ADCY1: variants seen among roughly 807,000 people sequenced by gnomAD.
The protein encoded by ADCY1 is adenylate cyclase type 1.
ADCY1 carries 28 observed loss-of-function variants against 105.4 expected under a neutral mutation model. The observed-to-expected ratio is 0.27, with a 90% CI of 0.20 to 0.36. The LOEUF (loss-of-function observed/expected upper bound fraction) is 0.36, where lower values mean the gene tolerates loss of function less well. Ranked by LOEUF, ADCY1 falls within the 10% of genes least tolerant of loss-of-function variation. ADCY1 has a pLI of 1.00. For synonymous variants in ADCY1, 655 were observed against 623.8 expected, an observed-to-expected ratio of 1.05 and a Z score of -0.75; for missense variants, 977 against 1,434.2, an observed-to-expected ratio of 0.68 and a Z score of 5.15.
chr7:45,611,345 T>C (rs1793587536), intron 3 of ADCY1, among the ~76,000 whole-genome samples: 1 of 151,960 alleles, frequency 6.6e-6, no homozygotes, highest in Non-Finnish European at 1.5e-5. Flanking sequence ...CAGTTATCTT[T>C]CCAATTTCTT....
In ADCY1 at chr7:45,677,975, G is replaced by A; in HGVS notation, c.1712G>A (p.Arg571His). ...ACTCGCGTCAACAGGTACATCAGCCGCCTCTTAGAAGCCCGCCAGACAGAG... is the reference window on the plus strand; with the variant it reads ...ACTCGCGTCAACAGGTACATCAGCCACCTCTTAGAAGCCCGCCAGACAGAG... ...PGTRVNRYIS[R>H]LLEARQTELE... Residue 571 changes from arginine to histidine, a missense_variant, in exon 9 of 20, where the codon CGC becomes CAC. Physicochemically the swap from Arg to His is conservative, Grantham distance 29. Coordinates refer to ENST00000297323, the MANE Select transcript of ADCY1 (RefSeq NM_021116.4). 6.2e-7 allele frequency: 1 copy of A among 1,614,156 alleles called. No homozygotes were observed. Among genetic ancestry groups the A allele is most frequent in the Non-Finnish European group, 8.5e-7 (1 of 1,180,026 alleles).
intron 4 of ADCY1, among the ~76,000 whole-genome samples, chr7:45,642,609 G>A (rs1794555136): frequency 6.6e-6 from 1 of 152,076 alleles, no homozygotes. Context: ...TGTTGTTGTT[G>A]TTGTTGTTTT....
chr7:45,636,161 GA>G (rs1794395072), intron 4 of ADCY1, among the ~76,000 whole-genome samples: 1 of 152,124 alleles, frequency 6.6e-6, no homozygotes, highest in South Asian at 2.1e-4. Context: ...ACTATTGTCA[GA>G]AAGAATAGTT....
intron 17 of ADCY1, 21 bp downstream of exon 17, chr7:45,704,637 C>T: frequency 6.2e-7 from 1 of 1,604,392 alleles, no homozygotes; most frequent in Non-Finnish European, 8.5e-7. Flanking sequence ...CCTGGCGCTG[C>T]CTGCTTGGGG....
intron 5 of ADCY1, among the ~76,000 whole-genome samples, chr7:45,656,167 G>A (rs1262809605): frequency 6.6e-6 from 1 of 151,990 alleles, no homozygotes; most frequent in Non-Finnish European, 1.5e-5. Context: ...GCTGGGCATG[G>A]TGGTGGGCGC....
intron 7 of ADCY1, among the ~76,000 whole-genome samples, chr7:45,661,592 C>G (rs1159483377): frequency 6.6e-6 from 1 of 152,082 alleles, no homozygotes; most frequent in Non-Finnish European, 1.5e-5. Context: ...GAATTTCACC[C>G]AGAACATGAG....
At position 45,686,756 on chromosome 7, in the gene ADCY1, C is replaced by A; in HGVS notation, c.2454+83C>A. The A allele has an allele frequency of 6.6e-7, 1 of 1,509,372 alleles. No homozygotes were observed. The highest frequency in any genetic ancestry group is 1.3e-5 in the South Asian group (1 of 76,928). The allele number at this position is 1,509,372 out of a possible 1,614,324, so 93.5% of individuals were successfully genotyped here. A position where few individuals can be genotyped will look rare whatever the true frequency, so the allele number is the denominator to read the frequency against. On this transcript the variant is annotated intron_variant, in intron 14 of 19. Coordinates refer to ENST00000297323, the MANE Select transcript of ADCY1 (RefSeq NM_021116.4). This position sits in a 1 kb window ranked among gnomAD's most constrained non-coding sequence, Gnocchi z 4.3. ...TCAGCAAGCATCTGACGGGGGCTGC[C>A]ACAGACACCCACACGCCGTATGGCC...
Position 45,574,714 on chromosome 7 carries a change from G to A in ADCY1, c.171G>A (p.Glu57=). 1 of 1,410,186 alleles carries A rather than the reference G, an allele frequency of 7.1e-7. No individual in the cohort carries two copies. The highest frequency in any genetic ancestry group is 9.2e-7 in the Non-Finnish European group (1 of 1,088,756). 87.4% of individuals were successfully genotyped at this position (1,410,186 alleles called of 1,614,324 possible). A position where few individuals can be genotyped will look rare whatever the true frequency, so the allele number is the denominator to read the frequency against. The part of the protein sequence containing the change: ...ALFRGYTLRL[E]QAATLKALAV... ...TCCGCGGCTACACGCTGCGGCTGGA[G>A]CAGGCGGCCACGCTGAAGGCGCTGG... Residue 57 remains glutamate, a synonymous_variant, in exon 1 of 20, where the codon GAG becomes GAA. Transcript: ENST00000297323. This position sits in a 1 kb window ranked among gnomAD's most constrained non-coding sequence, Gnocchi z 7.0.
At position 45,678,183 on chromosome 7, in the gene ADCY1, C is replaced by T. The variant is rs376979876; in HGVS notation, c.1818C>T (p.Asp606=). The change falls in exon 10 of 20, where the codon GAC becomes GAT. Residue 606 remains aspartate, a synonymous_variant. Coordinates refer to ENST00000297323, the MANE Select transcript of ADCY1 (RefSeq NM_021116.4). ...EREQKYHQLQ[D]EYFTSAVVLT... ...TTACACAGTACCACCAGCTTCAGGACGAGTATTTCACCAGCGCCGTTGTCC... is the reference window on the plus strand; with the variant it reads ...TTACACAGTACCACCAGCTTCAGGATGAGTATTTCACCAGCGCCGTTGTCC... The T allele has an allele frequency of 2.4e-5, 38 of 1,614,060 alleles. No individual in the cohort carries two copies. Among genetic ancestry groups the T allele is most frequent in the South Asian group, 4.4e-5 (4 of 91,082 alleles).
intron 4 of ADCY1, among the ~76,000 whole-genome samples, chr7:45,637,107 T>C (rs1794413034): frequency 6.6e-6 from 1 of 152,256 alleles, no homozygotes; most frequent in Non-Finnish European, 1.5e-5. Flanking sequence ...CTTTGTTTTG[T>C]TATTTTTGTG....
intron 14 of ADCY1, among the ~76,000 whole-genome samples, chr7:45,701,491 TATTAAC>T (rs781192164): frequency 2.6e-5 from 4 of 152,232 alleles, no homozygotes; most frequent in Non-Finnish European, 5.9e-5. Context: ...ACTAAAATAC[TATTAAC>T]ATTAACAATG....
At chr7:45,584,840 G>A (rs1289453131) in intron 1 of ADCY1, among the ~76,000 whole-genome samples, 1 of 152,254 alleles carries the variant, frequency 6.6e-6, no homozygotes, top group Non-Finnish European at 1.5e-5. Context: ...TCTGGAAGCA[G>A]CATTATTGTG....
At chr7:45,610,250 G>A in intron 2 of ADCY1, 129 bp from the exon 3 acceptor site, 1 of 743,670 alleles carries the variant, frequency 1.3e-6, no homozygotes. Context: ...CTTGTTCAGT[G>A]GCAGTCCAGC....
At chr7:45,668,977 T>C (rs1237901579) in intron 8 of ADCY1, among the ~76,000 whole-genome samples, 1 of 152,190 alleles carries the variant, frequency 6.6e-6, no homozygotes, top group Non-Finnish European at 1.5e-5. Context: ...GGTGGTGATA[T>C]CCTCTTTATC....
chr7:45,576,840 C>T (rs937927214), intron 1 of ADCY1, among the ~76,000 whole-genome samples: 1 of 151,978 alleles, frequency 6.6e-6, no homozygotes, highest in Non-Finnish European at 1.5e-5. Context: ...CTGGGCAGGC[C>T]CAGGGATCCC....
At chr7:45,685,095 G>A (rs377408484) in intron 12 of ADCY1, 27 bp downstream of exon 12, 24 of 1,594,310 alleles carry the variant, frequency 1.5e-5, no homozygotes, top group Middle Eastern at 1.7e-4. Context: ...TGTGGCATGC[G>A]CTGGGGCGGG....
At position 45,696,802 on chromosome 7, in the gene ADCY1, C is replaced by T. The variant is rs562604992; in HGVS notation, c.2455-6574C>T. Among the ~76,000 whole-genome samples the T allele has an allele frequency of 7.2e-5, 11 of 152,280 alleles. No individual in the cohort carries two copies. In the East Asian group the frequency reaches 1.9e-3, roughly 27 times the overall value. Reference sequence around the variant, plus strand: ...AAAGGTCCAAAGACCCCAGAAGTTGCTTTCTGCCCACGGAGTGGGCAGAAA... The same window carrying T: ...AAAGGTCCAAAGACCCCAGAAGTTGTTTTCTGCCCACGGAGTGGGCAGAAA... On this transcript the variant is annotated intron_variant, in intron 14 of 19. Coordinates refer to ENST00000297323, the MANE Select transcript of ADCY1 (RefSeq NM_021116.4).
chr7:45,658,242 T>C (rs541538732), intron 6 of ADCY1, among the ~76,000 whole-genome samples: 1 of 152,382 alleles, frequency 6.6e-6, no homozygotes, highest in Admixed American at 6.5e-5. Flanking sequence ...TTTGATTTCA[T>C]TTTCTCAATG....
At chr7:45,625,888 C>T (rs945947087) in intron 4 of ADCY1, among the ~76,000 whole-genome samples, 2 of 152,190 alleles carry the variant, frequency 1.3e-5, no homozygotes, top group Admixed American at 6.5e-5. Flanking sequence ...CGGATGTGTG[C>T]ATTGCAGACA....
Sources: gnomAD v4.1 joint callset for allele counts (sites outside exome capture counted in the v4.1 genomes callset) on GRCh38, gnomAD v4.1.1 for gene constraint, Gnocchi (gnomAD v3.1) non-coding constraint, MANE v1.5 for transcripts, NCBI Gene and HGNC (gene_info 2026-07-23, HGNC 2026-07-21) for gene names.